Variants in PTPRG observed in about 807,000 individuals in gnomAD.
PTPRG encodes the protein receptor-type tyrosine-protein phosphatase gamma.
Under a neutral mutation model 165.3 loss-of-function variants are expected in PTPRG, and 102 were observed. The ratio of observed to expected loss-of-function variants is 0.62; its 90% CI spans 0.53 to 0.73. PTPRG has a LOEUF of 0.73. Ranked by LOEUF, PTPRG falls within the 30% of genes least tolerant of loss-of-function variation. The pLI is 0.00. For synonymous variants in PTPRG, 675 were observed against 669.5 expected (o/e 1.01, Z -0.13); for missense variants, 1,866 against 1,861.4 (o/e 1.00, Z -0.05).
intron 4 of PTPRG, among the ~76,000 whole-genome samples, chr3:62,044,149 T>A (rs1212131856): frequency 6.6e-6 from 1 of 152,210 alleles, no homozygotes; most frequent in Non-Finnish European, 1.5e-5. Context: ...AGTGCAGGAA[T>A]CTGATGAAGA....
At chr3:61,920,909 G>T (rs1559689834) in intron 2 of PTPRG, among the ~76,000 whole-genome samples, 1 of 152,066 alleles carries the variant, frequency 6.6e-6, no homozygotes, top group Non-Finnish European at 1.5e-5. Flanking sequence ...TTGAGTTGAT[G>T]GTATCTTAGA....
Position 61,913,440 on chromosome 3 carries a change from C to T in PTPRG, c.191-76185C>T, listed in dbSNP as rs1365959767. Among the ~76,000 whole-genome samples, 3 of 152,148 alleles carry T rather than the reference C, an allele frequency of 2.0e-5. No individual in the cohort carries two copies. In the East Asian group the frequency reaches 5.8e-4, roughly 29 times the overall value. On this transcript the variant is annotated intron_variant, in intron 2 of 29. Coordinates refer to ENST00000474889, the MANE Select transcript of PTPRG (RefSeq NM_002841.4). ...TTCGCTGTGCTAGCCAGGATGGTTT[C>T]AATCTCCTGACCTCGTGATCCGCCT...
chr3:61,628,987 G>T (rs889902510), intron 1 of PTPRG, among the ~76,000 whole-genome samples: 1 of 152,106 alleles, frequency 6.6e-6, no homozygotes, highest in Non-Finnish European at 1.5e-5. Context: ...AATGTGGGCT[G>T]TTTTTCAGTG....
At chr3:62,056,897 G>A (rs1700652815) in intron 4 of PTPRG, among the ~76,000 whole-genome samples, 2 of 152,174 alleles carry the variant, frequency 1.3e-5, no homozygotes, top group African/African-American at 2.4e-5. Context: ...GAGGCTCTAT[G>A]TCATTCATGG....
At chr3:61,623,995 CA>C (rs1182234822) in intron 1 of PTPRG, among the ~76,000 whole-genome samples, 1 of 152,178 alleles carries the variant, frequency 6.6e-6, no homozygotes, top group African/African-American at 2.4e-5. Context: ...TCCTTGCATT[CA>C]GGTGCTCAGT....
At position 62,294,326 on chromosome 3, in the gene PTPRG, G is replaced by A. The variant is rs1414963795; in HGVS notation, c.*1019G>A. On this transcript the variant is annotated 3_prime_UTR_variant, in exon 30 of 30. Transcript: ENST00000474889. ...TGTTTTCTTTCCTTCTTTGCCAAAT[G>A]TTTTATAATAAATCTCTTAATTACA... is the stretch of plus-strand genomic sequence containing the variant. 6.6e-6 allele frequency: 1 copy of A among 151,962 alleles called. No homozygotes were observed. The highest frequency in any genetic ancestry group is 2.4e-5 in the African/African-American group (1 of 41,398). 9.4% of individuals were successfully genotyped at this position (151,962 alleles called of 1,614,324 possible).
rs375505697 is a variant in PTPRG at position 61,886,269 on chromosome 3, T to C, written c.191-103356T>C. On this transcript the variant is annotated intron_variant, in intron 2 of 29. Transcript: ENST00000474889. ...AATTATAACCATAACCCTCCTCTTA[T>C]AGGAGATGGAGGTTAAAACTGTTAC... Among the ~76,000 whole-genome samples the C allele has an allele frequency of 5.2e-4, 79 of 152,144 alleles. No individual in the cohort carries two copies. The South Asian group carries it at 0.015, about 30-fold the overall frequency.
intron 9 of PTPRG, among the ~76,000 whole-genome samples, chr3:62,192,380 C>G (rs551601439): frequency 1.9e-4 from 28 of 144,680 alleles, no homozygotes; most frequent in Admixed American, 4.8e-4. Context: ...AAAGCAAACT[C>G]CACAACTACT....
Position 62,046,156 on chromosome 3 carries a change from A to G in PTPRG, c.520-32007A>G, listed in dbSNP as rs562745627. Among the ~76,000 whole-genome samples, 3 of 152,310 alleles carry G rather than the reference A, an allele frequency of 2.0e-5. No homozygotes were observed. In the East Asian group the frequency reaches 5.8e-4, roughly 29 times the overall value. On this transcript the variant is annotated intron_variant, in intron 4 of 29. Coordinates refer to ENST00000474889, the MANE Select transcript of PTPRG (RefSeq NM_002841.4). Reference sequence around the variant, plus strand: ...ACCCTCTCCCCACTATACATCTTCCACAGAAGGCCAGTTATAACCTGTTAG... The same window carrying G: ...ACCCTCTCCCCACTATACATCTTCCGCAGAAGGCCAGTTATAACCTGTTAG...
At chr3:61,648,322 G>A (rs530933261) in intron 1 of PTPRG, among the ~76,000 whole-genome samples, 69 of 152,238 alleles carry the variant, frequency 4.5e-4, no homozygotes, top group South Asian at 2.7e-3. Context: ...TAACTTCTGC[G>A]GATTCCCTGG....
intron 1 of PTPRG, among the ~76,000 whole-genome samples, chr3:61,566,056 C>A (rs1000442134): frequency 5.3e-5 from 8 of 152,086 alleles, no homozygotes; most frequent in African/African-American, 1.9e-4. Context: ...TCCTTCTAAA[C>A]AGTGTTCACA....
chr3:62,277,197 T>A, intron 25 of PTPRG, 149 bp downstream of exon 25: 1 of 676,602 alleles, frequency 1.5e-6, no homozygotes, highest in Non-Finnish European at 2.4e-6. Context: ...TTGAAACTTT[T>A]AACAAAAGAT....
intron 1 of PTPRG, among the ~76,000 whole-genome samples, chr3:61,710,685 T>C (rs900235997): frequency 9.2e-5 from 14 of 152,170 alleles, no homozygotes; most frequent in Admixed American, 5.9e-4. Context: ...GACACAGTCC[T>C]TCTTTTTCCA....
chr3:62,158,182 T>C (rs776181384), intron 7 of PTPRG, among the ~76,000 whole-genome samples: 1 of 152,168 alleles, frequency 6.6e-6, no homozygotes, highest in Non-Finnish European at 1.5e-5. Context: ...AGGGGAACCA[T>C]CCAGGCAGTG....
chr3:61,890,423 G>GTTTTTTTTT (rs11328993), intron 2 of PTPRG, among the ~76,000 whole-genome samples: 61 of 119,226 alleles, frequency 5.1e-4, no homozygotes, highest in African/African-American at 1.5e-3. Context: ...TTTTTTTTTT[G>GTTTTTTTTT]TTTTTTTTTT....
intron 2 of PTPRG, among the ~76,000 whole-genome samples, chr3:61,822,059 G>A (rs1012325847): frequency 1.3e-5 from 2 of 152,200 alleles, no homozygotes; most frequent in South Asian, 4.1e-4. Context: ...ACTTGCCTAA[G>A]TAATTAGTTT....
At chr3:61,608,045 T>C (rs1701062532) in intron 1 of PTPRG, among the ~76,000 whole-genome samples, 1 of 152,190 alleles carries the variant, frequency 6.6e-6, no homozygotes, top group African/African-American at 2.4e-5. Flanking sequence ...TATTACTGCA[T>C]GAGGGCTGAA....
At chr3:61,819,795 G>C (rs2035899648) in intron 2 of PTPRG, among the ~76,000 whole-genome samples, 1 of 152,184 alleles carries the variant, frequency 6.6e-6, no homozygotes, top group South Asian at 2.1e-4. Flanking sequence ...GGTAAATGGA[G>C]ATAAAAGGGG....
At chr3:62,051,468 T>A (rs1176277574) in intron 4 of PTPRG, among the ~76,000 whole-genome samples, 1 of 152,122 alleles carries the variant, frequency 6.6e-6, no homozygotes, top group Non-Finnish European at 1.5e-5. Context: ...TAAAAGCCAT[T>A]TGCAGCTTAT....
Sources: gnomAD v4.1 joint callset for allele counts (sites outside exome capture counted in the v4.1 genomes callset) on GRCh38, gnomAD v4.1.1 for gene constraint, MANE v1.5 for transcripts, NCBI Gene and HGNC (gene_info 2026-07-23, HGNC 2026-07-21) for gene names.